The following PSD2 variants were observed in gnomAD, a reference collection of about 807,000 sequenced individuals.
PSD2 encodes PH and SEC7 domain-containing protein 2.
In PSD2, 38 loss-of-function variants were observed where a neutral mutation model predicts 69.8. That is an observed-to-expected ratio of 0.54 (90% CI 0.42 to 0.71). The LOEUF (loss-of-function observed/expected upper bound fraction) is 0.71. PSD2 is among the 30% of genes least tolerant of loss of function. The probability of loss-of-function intolerance (pLI) is 0.00; values close to 1 mark genes in which losing one functional copy is unlikely to be tolerated. For missense variants in PSD2, 943 were observed against 1,014.5 expected, an observed-to-expected ratio of 0.93 and a Z score of 0.96; for synonymous variants, 412 against 423.0, an observed-to-expected ratio of 0.97 and a Z score of 0.32.
At chr5:139,762,091 G>T in the PSD2 span, among the ~76,000 whole-genome samples, 1 of 151,912 alleles carries the variant, frequency 6.6e-6, no homozygotes, top group African/African-American at 2.4e-5. Context: ...TTGCCAGGCT[G>T]GAGTGCAGTG....
chr5:139,774,819 A>G, the PSD2 span, among the ~76,000 whole-genome samples: 4 of 152,152 alleles, frequency 2.6e-5, no homozygotes, highest in African/African-American at 4.8e-5. Flanking sequence ...TGCAATTTAG[A>G]GTAAGCACCG....
intron 5 of PSD2, among the ~76,000 whole-genome samples, chr5:139,821,190 C>T (rs938708229): frequency 9.2e-5 from 14 of 152,208 alleles, no homozygotes; most frequent in African/African-American, 3.4e-4. Flanking sequence ...AACTCGGCCT[C>T]CCAAAATGCT....
At chr5:139,832,073 C>T (rs778075644) in intron 7 of PSD2, among the ~76,000 whole-genome samples, 1 of 152,212 alleles carries the variant, frequency 6.6e-6, no homozygotes, top group Non-Finnish European at 1.5e-5. Context: ...TTGAAGCCTT[C>T]ACTGCTTTTG....
chr5:139,756,982 A>G, the PSD2 span, among the ~76,000 whole-genome samples: 2 of 152,184 alleles, frequency 1.3e-5, no homozygotes, highest in African/African-American at 2.4e-5. Context: ...CAGCTCTACA[A>G]GGTTGGAACT....
chr5:139,843,217 G>T lies in PSD2; in HGVS notation c.*743G>T, dbSNP rs1336220764. 1 of 152,248 alleles carries T rather than the reference G, an allele frequency of 6.6e-6. No homozygotes were observed. Among genetic ancestry groups the T allele is most frequent in the Non-Finnish European group, 1.5e-5 (1 of 68,048 alleles). 9.4% of individuals were successfully genotyped at this position (152,248 alleles called of 1,614,324 possible). Reference sequence around the variant, plus strand: ...AGATAAAGGAAAAGCCTATTTTGGAGCTTCCCCTGTTAGGAAGGATGGCTG... The same window carrying T: ...AGATAAAGGAAAAGCCTATTTTGGATCTTCCCCTGTTAGGAAGGATGGCTG... On this transcript the variant is annotated 3_prime_UTR_variant, in exon 15 of 15. Transcript: ENST00000274710.
chr5:139,821,192 C>A (rs1245483278), intron 5 of PSD2, among the ~76,000 whole-genome samples: 2 of 152,208 alleles, frequency 1.3e-5, no homozygotes, highest in Non-Finnish European at 2.9e-5. Context: ...CTCGGCCTCC[C>A]AAAATGCTGG....
At chr5:139,795,289 TG>T (rs2126917474), upstream of PSD2, among the ~76,000 whole-genome samples, 1 of 152,282 alleles carries the variant, frequency 6.6e-6, no homozygotes, top group Non-Finnish European at 1.5e-5. The surrounding 1 kb of genome is among the most constrained non-coding windows in gnomAD (Gnocchi z 4.5). Context: ...TTCTTCACCT[TG>T]GCCCCCCGCA....
chr5:139,838,538 T>C, intron 12 of PSD2, 90 bp from the exon 13 acceptor site: 1 of 1,438,670 alleles, frequency 7.0e-7, no homozygotes, highest in Non-Finnish European at 9.6e-7. Context: ...GCCTTCTCAG[T>C]GCCAGGCCCA....
At chr5:139,795,442 C>T (rs774473149), upstream of PSD2, among the ~76,000 whole-genome samples, 1 of 152,104 alleles carries the variant, frequency 6.6e-6, no homozygotes, top group Non-Finnish European at 1.5e-5. The surrounding 1 kb of genome is among the most constrained non-coding windows in gnomAD (Gnocchi z 4.5). Context: ...TGGCGGGTCC[C>T]GAGAGCTCAG....
At chr5:139,743,990 C>G in the PSD2 span, 1 of 152,816 alleles carries the variant, frequency 6.5e-6, no homozygotes, top group South Asian at 2.1e-4. Context: ...TCACTTCACT[C>G]TCTGAGCCTC....
At chr5:139,804,267 A>C (rs933663573) in intron 1 of PSD2, among the ~76,000 whole-genome samples, 19 of 152,144 alleles carry the variant, frequency 1.2e-4, no homozygotes, top group African/African-American at 4.6e-4. Flanking sequence ...GGGGGTGTTC[A>C]GGGTGGGTTT....
At chr5:139,791,521 C>G (rs1759415720), upstream of PSD2, among the ~76,000 whole-genome samples, 3 of 152,056 alleles carry the variant, frequency 2.0e-5, no homozygotes, top group Admixed American at 1.3e-4. Flanking sequence ...TGATAAAGGG[C>G]ATTTATGAAA....
the PSD2 span, among the ~76,000 whole-genome samples, chr5:139,768,612 A>G: frequency 1.3e-5 from 2 of 151,526 alleles, no homozygotes; most frequent in African/African-American, 4.8e-5. Context: ...AATCCCAGCT[A>G]TTTGGGAGGC....
At chr5:139,754,955 T>C in the PSD2 span, among the ~76,000 whole-genome samples, 1 of 152,216 alleles carries the variant, frequency 6.6e-6, no homozygotes, top group East Asian at 1.9e-4. Flanking sequence ...TGTTTTTGTG[T>C]GTGTGTGCAG....
intron 13 of PSD2, 43 bp downstream of exon 13, chr5:139,838,815 T>C: frequency 6.3e-7 from 1 of 1,591,744 alleles, no homozygotes; most frequent in Non-Finnish European, 8.6e-7. Flanking sequence ...CAGGCTGCCA[T>C]CCTCAGCCCA....
chr5:139,746,739 C>G, the PSD2 span, among the ~76,000 whole-genome samples: 1 of 152,196 alleles, frequency 6.6e-6, no homozygotes, highest in Middle Eastern at 3.2e-3. The surrounding 1 kb of genome is among the most constrained non-coding windows in gnomAD (Gnocchi z 4.5). Flanking sequence ...CGCAGCACCC[C>G]CTGACCCCCA....
intron 7 of PSD2, among the ~76,000 whole-genome samples, chr5:139,830,403 T>C (rs541145519): frequency 6.9e-6 from 1 of 145,804 alleles, no homozygotes; most frequent in Middle Eastern, 3.6e-3. Context: ...CAGGCTGGAG[T>C]GTAGTGGTGT....
At chr5:139,780,395 C>T in the PSD2 span, among the ~76,000 whole-genome samples, 1 of 152,180 alleles carries the variant, frequency 6.6e-6, no homozygotes, top group Non-Finnish European at 1.5e-5. Context: ...TTGTTGGAAC[C>T]TGAATGTTGT....
chr5:139,833,960 C>T (rs191011551), intron 8 of PSD2, among the ~76,000 whole-genome samples, 169 bp downstream of exon 8: 1 of 152,308 alleles, frequency 6.6e-6, no homozygotes, highest in Admixed American at 6.5e-5. Flanking sequence ...GTTCTGTGTT[C>T]CCTGAGTTAG....
Sources: allele counts gnomAD v4.1 joint callset (sites outside exome capture counted in the v4.1 genomes callset), GRCh38; gene constraint gnomAD v4.1.1; non-coding constraint Gnocchi (gnomAD v3.1); transcripts MANE v1.5; gene names NCBI Gene and HGNC (gene_info 2026-07-23, HGNC 2026-07-21).